Variants in DOCK4 observed in about 807,000 individuals in gnomAD.
The protein encoded by DOCK4 is dedicator of cytokinesis 4, also known as dedicator of cytokinesis protein 4.
A neutral mutation model predicts 268.1 loss-of-function variants in DOCK4; 97 were observed. That is an observed-to-expected ratio of 0.36 (90% CI 0.31 to 0.43). The LOEUF (loss-of-function observed/expected upper bound fraction) is 0.43. Among genes scored for constraint, DOCK4 ranks in the 20% least tolerant of loss-of-function variants. The pLI, the probability that DOCK4 is intolerant of heterozygous loss-of-function variation, is 1.00. For synonymous variants in DOCK4, 954 were observed against 887.2 expected, an observed-to-expected ratio of 1.08 and a Z score of -1.34; for missense variants, 2,145 against 2,455.7, an observed-to-expected ratio of 0.87 and a Z score of 2.67.
chr7:112,102,532 T>A (rs932893029), intron 1 of DOCK4, among the ~76,000 whole-genome samples: 1 of 152,198 alleles, frequency 6.6e-6, no homozygotes, highest in African/African-American at 2.4e-5. Context: ...GATTAGGCTG[T>A]AAGAGTAGAG....
chr7:111,936,045 A>G (rs146507766), intron 11 of DOCK4, among the ~76,000 whole-genome samples: 3 of 152,314 alleles, frequency 2.0e-5, no homozygotes, highest in Admixed American at 2.0e-4. Context: ...CACAGATAAT[A>G]TACTAGAACT....
In DOCK4 at chr7:111,863,677, A is replaced by G. The variant is rs2134189592; in HGVS notation, c.2281-113T>C. The G allele has an allele frequency of 3.5e-6, 4 of 1,127,162 alleles. No homozygotes were observed. The East Asian group carries it at 8.2e-5, about 23-fold the overall frequency. 69.8% of individuals were successfully genotyped at this position (1,127,162 alleles called of 1,614,324 possible). A position where few individuals can be genotyped will look rare whatever the true frequency, so the allele number is the denominator to read the frequency against. On this transcript the variant is annotated intron_variant, in intron 22 of 52. Transcript: ENST00000428084. ...AAGTGTTTTTGAATGGTAGGAATAG[A>G]AGTATGAAATGTTTCTGTTACCTAA... is the stretch of plus-strand genomic sequence containing the variant.
At chr7:111,998,352 G>A in intron 4 of DOCK4, 96 bp downstream of exon 4, 2 of 970,424 alleles carry the variant, frequency 2.1e-6, no homozygotes, top group Non-Finnish European at 3.0e-6. Flanking sequence ...ATCTTCTACA[G>A]TTCATTTTTC....
intron 15 of DOCK4, among the ~76,000 whole-genome samples, chr7:111,899,575 G>A (rs987413648): frequency 6.6e-6 from 1 of 152,200 alleles, no homozygotes; most frequent in Non-Finnish European, 1.5e-5. Context: ...TTTATGGATA[G>A]CAATGCCCAT....
intron 26 of DOCK4, among the ~76,000 whole-genome samples, chr7:111,830,067 T>G (rs181183095): frequency 1.3e-5 from 2 of 152,308 alleles, no homozygotes; most frequent in East Asian, 3.9e-4. Flanking sequence ...CAATATAGGT[T>G]CAGGAACATA....
At chr7:111,824,669 T>C (rs1385636681) in intron 26 of DOCK4, among the ~76,000 whole-genome samples, 3 of 152,110 alleles carry the variant, frequency 2.0e-5, no homozygotes, top group African/African-American at 7.2e-5. Flanking sequence ...GCAAAACATC[T>C]ATCTTACCAG....
At chr7:111,792,815 G>A (rs562007253) in intron 30 of DOCK4, among the ~76,000 whole-genome samples, 62 of 152,284 alleles carry the variant, frequency 4.1e-4, no homozygotes, top group Admixed American at 4.1e-3. Context: ...AGTGCCTTGG[G>A]AAACCTCCAC....
At position 111,822,448 on chromosome 7, in the gene DOCK4, C is replaced by T; in HGVS notation, c.2844G>A (p.Leu948=). 3.7e-6 allele frequency: 6 copies of T among 1,612,258 alleles called. No individual in the cohort carries two copies. Among genetic ancestry groups the T allele is most frequent in the Non-Finnish European group, 3.4e-6 (4 of 1,179,180 alleles). Residue 948 remains leucine (L), a synonymous_variant, in exon 27 of 53, where the codon CTG becomes CTA. Coordinates refer to ENST00000428084, the MANE Select transcript of DOCK4 (RefSeq NM_001363540.2). ...FNTKEELRDF[L]LQIFTVFRIL... is the part of the protein sequence containing the mutation. ...TTCGGAACACAGTAAATATCTGCAGCAGGAAATCCTTGGATAAGGAGAAAA... is the reference window on the plus strand; with the variant it reads ...TTCGGAACACAGTAAATATCTGCAGTAGGAAATCCTTGGATAAGGAGAAAA...
At chr7:111,840,538 T>C (rs1322252420) in intron 25 of DOCK4, among the ~76,000 whole-genome samples, 2 of 152,160 alleles carry the variant, frequency 1.3e-5, no homozygotes, top group Admixed American at 1.3e-4. Context: ...TTGTTTTTTT[T>C]TTCTAGCTAG....
At chr7:111,783,178 G>C (rs558498439) in intron 34 of DOCK4, among the ~76,000 whole-genome samples, 1 of 152,204 alleles carries the variant, frequency 6.6e-6, no homozygotes, top group African/African-American at 2.4e-5. Flanking sequence ...GAATTTCATT[G>C]CCATGTCAAG....
intron 1 of DOCK4, among the ~76,000 whole-genome samples, chr7:112,114,141 A>G (rs1178452450): frequency 6.6e-6 from 1 of 152,156 alleles, no homozygotes; most frequent in Non-Finnish European, 1.5e-5. Flanking sequence ...GTGTTCCTGA[A>G]GAAGACATAA....
intron 1 of DOCK4, among the ~76,000 whole-genome samples, chr7:112,024,491 C>T (rs1461765929): frequency 6.6e-6 from 1 of 152,146 alleles, no homozygotes; most frequent in Non-Finnish European, 1.5e-5. Flanking sequence ...AAGTCCTTTA[C>T]CTCCTTTCTT....
chr7:111,865,751 G>T (rs1257368679), intron 22 of DOCK4, among the ~76,000 whole-genome samples: 1 of 152,228 alleles, frequency 6.6e-6, no homozygotes, highest in Non-Finnish European at 1.5e-5. Flanking sequence ...GGTAGCAGGA[G>T]AAGTAGTCAG....
At chr7:112,182,600 G>C (rs1186629594) in intron 1 of DOCK4, among the ~76,000 whole-genome samples, 1 of 152,222 alleles carries the variant, frequency 6.6e-6, no homozygotes, top group African/African-American at 2.4e-5. Context: ...GTGTGAGAGA[G>C]AAACACAATT....
At chr7:112,046,640 C>A (rs1262958581) in intron 1 of DOCK4, among the ~76,000 whole-genome samples, 1 of 152,118 alleles carries the variant, frequency 6.6e-6, no homozygotes, top group Non-Finnish European at 1.5e-5. Flanking sequence ...GCCTGGGTGA[C>A]AGAGTGAGAC....
chr7:112,143,544 CTGATA>C (rs760195668), intron 1 of DOCK4, among the ~76,000 whole-genome samples: 1 of 152,268 alleles, frequency 6.6e-6, no homozygotes, highest in South Asian at 2.1e-4. Flanking sequence ...TAAATTGTAT[CTGATA>C]TATTTGTTTA....
intron 1 of DOCK4, among the ~76,000 whole-genome samples, chr7:112,015,559 C>T (rs1437806509): frequency 6.6e-6 from 1 of 152,102 alleles, no homozygotes; most frequent in Admixed American, 6.5e-5. Context: ...GGGTCTGGAT[C>T]AGGACCCCTT....
intron 39 of DOCK4, among the ~76,000 whole-genome samples, chr7:111,762,772 T>TTTTTTC (rs1797528196): frequency 3.5e-5 from 4 of 113,582 alleles, no homozygotes; most frequent in African/African-American, 1.3e-4. Context: ...CTTTTTTTTT[T>TTTTTTC]TTTTTTTTTT....
At chr7:112,026,391 T>C (rs1802787174) in intron 1 of DOCK4, among the ~76,000 whole-genome samples, 1 of 152,184 alleles carries the variant, frequency 6.6e-6, no homozygotes, top group South Asian at 2.1e-4. Flanking sequence ...CAGTTCATCC[T>C]GAAACATCCC....
Sources: gnomAD v4.1 joint callset for allele counts (sites outside exome capture counted in the v4.1 genomes callset) on GRCh38, gnomAD v4.1.1 for gene constraint, MANE v1.5 for transcripts, NCBI Gene and HGNC (gene_info 2026-07-23, HGNC 2026-07-21) for gene names.